Variants in DLG2 observed in about 807,000 individuals in gnomAD.
The protein encoded by DLG2 is discs large MAGUK scaffold protein 2.
A neutral mutation model predicts 132.5 loss-of-function variants in DLG2; 45 were observed. That is an observed-to-expected ratio of 0.34 (90% CI 0.27 to 0.44). The LOEUF is 0.44. DLG2 is among the 20% of genes least tolerant of loss of function. DLG2 has a pLI of 1.00. For missense variants in DLG2, 1,045 were observed against 1,196.9 expected, an observed-to-expected ratio of 0.87 and a Z score of 1.87; for synonymous variants, 424 against 419.6, an observed-to-expected ratio of 1.01 and a Z score of -0.13.
chr11:85,302,976 C>A (rs1370719177), intron 3 of DLG2, among the ~76,000 whole-genome samples: 4 of 152,150 alleles, frequency 2.6e-5, no homozygotes, highest in African/African-American at 9.7e-5. Flanking sequence ...TGAGACGGAG[C>A]AAAGTTAAGG....
intron 21 of DLG2, among the ~76,000 whole-genome samples, chr11:83,484,835 T>C (rs1186741431): frequency 6.6e-6 from 1 of 152,170 alleles, no homozygotes; most frequent in Non-Finnish European, 1.5e-5. Context: ...TATGGTATAA[T>C]TACAGACTGA....
rs2072303859 is a variant in DLG2 at position 85,109,172 on chromosome 11, C to A, written c.357+2489G>T. 3.9e-5 allele frequency among the ~76,000 whole-genome samples: 6 copies of A among 152,126 alleles called. No individual in the cohort carries two copies. The South Asian group carries it at 1.2e-3, about 32-fold the overall frequency. On this transcript the variant is annotated intron_variant, in intron 6 of 27. Coordinates refer to ENST00000376104, the MANE Select transcript of DLG2 (RefSeq NM_001142699.3). Reference sequence around the variant, plus strand: ...AAACATGACCATCGGGAGCCCACCTCTGTGGACTGGGGGTTCTCTGCAGAG... The same window carrying A: ...AAACATGACCATCGGGAGCCCACCTATGTGGACTGGGGGTTCTCTGCAGAG...
At chr11:84,862,031 T>A (rs1393066496) in intron 6 of DLG2, among the ~76,000 whole-genome samples, 1 of 101,030 alleles carries the variant, frequency 9.9e-6, no homozygotes, top group Non-Finnish European at 1.8e-5. Context: ...CTCTGGGGAC[T>A]GTTGTGGGGT....
intron 5 of DLG2, among the ~76,000 whole-genome samples, chr11:85,124,834 A>AT (rs35849932): frequency 0.48 from 70,581 of 148,262 alleles, 17,735 homozygotes; most frequent in East Asian, 0.68. Flanking sequence ...GCACAGTAAA[A>AT]TTTTTTTTTT....
intron 6 of DLG2, among the ~76,000 whole-genome samples, chr11:84,830,281 C>G (rs543257057): frequency 9.9e-5 from 15 of 151,308 alleles, no homozygotes; most frequent in Non-Finnish European, 2.1e-4. Context: ...ATCATATGAC[C>G]TTCACAGAAT....
intron 7 of DLG2, among the ~76,000 whole-genome samples, chr11:84,452,023 G>A (rs2099052927): frequency 6.6e-6 from 1 of 151,512 alleles, no homozygotes; most frequent in South Asian, 2.1e-4. Flanking sequence ...AATGAATAGA[G>A]GTATATTCAT....
chr11:85,611,031 C>A (rs1565759319), intron 2 of DLG2, among the ~76,000 whole-genome samples: 1 of 152,210 alleles, frequency 6.6e-6, no homozygotes, highest in Non-Finnish European at 1.5e-5. Context: ...CCTAGTACAA[C>A]TCCAGCTTTA....
intron 4 of DLG2, among the ~76,000 whole-genome samples, chr11:85,225,948 G>A (rs1456370346): frequency 2.6e-5 from 4 of 151,934 alleles, no homozygotes; most frequent in Admixed American, 1.3e-4. Context: ...TTCCTTCTCT[G>A]TATTACCTAG....
At chr11:83,765,750 C>T (rs2094114754) in intron 18 of DLG2, among the ~76,000 whole-genome samples, 3 of 152,154 alleles carry the variant, frequency 2.0e-5, no homozygotes, top group Admixed American at 2.0e-4. Context: ...AGGGCTGGAA[C>T]ATAGGAGGCA....
intron 3 of DLG2, among the ~76,000 whole-genome samples, chr11:85,445,769 A>G (rs1227093565): frequency 2.0e-5 from 3 of 152,202 alleles, no homozygotes; most frequent in Non-Finnish European, 4.4e-5. Flanking sequence ...TAGAGTTTTA[A>G]TTTTTATTTT....
intron 6 of DLG2, among the ~76,000 whole-genome samples, chr11:84,753,969 G>A (rs370585164): frequency 4.6e-5 from 7 of 152,174 alleles, no homozygotes; most frequent in East Asian, 3.9e-4. Context: ...CGACCAATGC[G>A]TTTTGCAAAG....
chr11:84,667,498 G>GTTTTTTTTTTTTTTTT (rs57863742), intron 6 of DLG2, among the ~76,000 whole-genome samples: 27 of 122,236 alleles, frequency 2.2e-4, no homozygotes, highest in East Asian at 5.1e-4. Flanking sequence ...TTTGTTTTTT[G>GTTTTTTTTTTTTTTTT]TTTTTTTTTT....
intron 3 of DLG2, among the ~76,000 whole-genome samples, chr11:85,382,896 G>C (rs2086010132): frequency 2.0e-5 from 3 of 152,058 alleles, no homozygotes; most frequent in Admixed American, 2.0e-4. Flanking sequence ...ATGTAAAATA[G>C]TGCAGTGGCT....
At chr11:85,397,638 G>A (rs1020176945) in intron 3 of DLG2, among the ~76,000 whole-genome samples, 1 of 152,112 alleles carries the variant, frequency 6.6e-6, no homozygotes, top group African/African-American at 2.4e-5. Context: ...CCTAGTCTCT[G>A]ATAAAACAGA....
chr11:83,551,975 T>C (rs671313), intron 19 of DLG2, among the ~76,000 whole-genome samples: 105,755 of 152,052 alleles, frequency 0.7, 37,096 homozygotes, highest in African/African-American at 0.78. Context: ...TTTGGCCACT[T>C]ACTCATTTTC....
chr11:84,922,863 C>T (rs559622653), intron 6 of DLG2, among the ~76,000 whole-genome samples: 1 of 149,362 alleles, frequency 6.7e-6, no homozygotes, highest in Admixed American at 6.7e-5. Flanking sequence ...GAATTACAAA[C>T]AGTTAAACCT....
intron 7 of DLG2, among the ~76,000 whole-genome samples, chr11:84,427,599 T>TAG (rs2098971176): frequency 6.6e-6 from 1 of 152,180 alleles, no homozygotes; most frequent in Admixed American, 6.5e-5. Context: ...GCCAGGATAA[T>TAG]GTCCAAATAG....
intron 6 of DLG2, among the ~76,000 whole-genome samples, chr11:84,709,154 T>G (rs2060097451): frequency 6.6e-6 from 1 of 151,770 alleles, no homozygotes; most frequent in East Asian, 2.0e-4. Flanking sequence ...TAGGAGAAAA[T>G]AGGATATATT....
At chr11:83,461,843 G>A (rs1409044874) in intron 27 of DLG2, 159 bp downstream of exon 27, 1 of 578,774 alleles carries the variant, frequency 1.7e-6, no homozygotes, top group Non-Finnish European at 3.1e-6. Context: ...CATCAAAATG[G>A]GTGAAGCAGA....
Sources: allele counts gnomAD v4.1 joint callset (sites outside exome capture counted in the v4.1 genomes callset), GRCh38; gene constraint gnomAD v4.1.1; transcripts MANE v1.5; gene names NCBI Gene and HGNC (gene_info 2026-07-23, HGNC 2026-07-21).